The following ANGPT4 variants were observed in gnomAD, a reference collection of about 807,000 sequenced individuals.
ANGPT4 encodes the protein angiopoietin 4, also known as angiopoietin-4.
ANGPT4 carries 50 observed loss-of-function variants against 53.0 expected under a neutral mutation model. That is an observed-to-expected ratio of 0.94 (90% CI 0.75 to 1.20). The LOEUF is 1.20. Among genes scored for constraint, ANGPT4 ranks in the 50% most tolerant of loss-of-function variants. The pLI, the probability that ANGPT4 is intolerant of heterozygous loss-of-function variation, is 0.00. For synonymous variants in ANGPT4, 251 were observed against 259.7 expected (o/e 0.97, Z 0.32); for missense variants, 648 against 637.1 (o/e 1.02, Z -0.18).
chr20:877,062 GC>G (rs1470631382), intron 7 of ANGPT4, among the ~76,000 whole-genome samples: 1 of 152,000 alleles, frequency 6.6e-6, no homozygotes, highest in Non-Finnish European at 1.5e-5. Context: ...CCTCAAAAAA[GC>G]CTTTGCTTTG....
chr20:913,219 C>CA (rs907208508), intron 1 of ANGPT4, among the ~76,000 whole-genome samples: 3 of 151,618 alleles, frequency 2.0e-5, no homozygotes, highest in Non-Finnish European at 4.4e-5. Context: ...GAGAAAAAGC[C>CA]AAAAAAAGGC....
At chr20:892,275 A>G (rs973010737) in intron 1 of ANGPT4, among the ~76,000 whole-genome samples, 1 of 152,162 alleles carries the variant, frequency 6.6e-6, no homozygotes, top group Non-Finnish European at 1.5e-5. Context: ...CGTTAATAAT[A>G]AAATGATGTT....
intron 6 of ANGPT4, 106 bp downstream of exon 6, chr20:879,641 A>AT (rs1175313758): frequency 3.5e-6 from 3 of 854,024 alleles, no homozygotes; most frequent in Admixed American, 2.9e-5. Context: ...AGATGAGTTG[A>AT]TTTTTTCTGG....
intron 1 of ANGPT4, among the ~76,000 whole-genome samples, chr20:896,878 G>T (rs921371441): frequency 6.6e-6 from 1 of 152,180 alleles, no homozygotes; most frequent in Non-Finnish European, 1.5e-5. Flanking sequence ...CTTACTATGT[G>T]TCAGGACTCT....
intron 2 of ANGPT4, among the ~76,000 whole-genome samples, chr20:888,989 C>T (rs1981728100): frequency 6.6e-6 from 1 of 152,230 alleles, no homozygotes; most frequent in African/African-American, 2.4e-5. Flanking sequence ...CTGCCACTCT[C>T]CTCCTGGTCA....
chr20:907,753 T>A (rs1164495942), intron 1 of ANGPT4, among the ~76,000 whole-genome samples: 1 of 152,186 alleles, frequency 6.6e-6, no homozygotes, highest in African/African-American at 2.4e-5. Context: ...AGTGATCATG[T>A]GACAGCGCCC....
At chr20:874,449 G>T in intron 7 of ANGPT4, 35 bp from the exon 8 acceptor site, 1 of 1,611,328 alleles carries the variant, frequency 6.2e-7, no homozygotes, top group South Asian at 1.1e-5. Flanking sequence ...TGGCAGAAGG[G>T]CCCAGAGTCA....
intron 1 of ANGPT4, among the ~76,000 whole-genome samples, chr20:909,623 T>C (rs1982622921): frequency 1.3e-5 from 2 of 152,196 alleles, no homozygotes; most frequent in South Asian, 4.2e-4. Context: ...ATTGCCTCAT[T>C]TAATCTCCTC....
At chr20:885,726 A>G (rs1981594826) in intron 3 of ANGPT4, among the ~76,000 whole-genome samples, 1 of 152,212 alleles carries the variant, frequency 6.6e-6, no homozygotes, top group Admixed American at 6.5e-5. Context: ...CTAGATGCCC[A>G]AAAGCCAGGA....
chr20:903,069 C>A (rs942508769), intron 1 of ANGPT4, among the ~76,000 whole-genome samples: 1 of 152,084 alleles, frequency 6.6e-6, no homozygotes, highest in Admixed American at 6.6e-5. Flanking sequence ...GGGGGCTGGG[C>A]GGGTGAAAGT....
At position 911,980 on chromosome 20, in the gene ANGPT4, A is replaced by G. The variant is rs1432736421; in HGVS notation, c.309+3926T>C. ...GCTGGCTGCTCCCTAAAGGTGAGAA[A>G]GTAGTTCTCACCTGCAGTTTCCAGG... On this transcript the variant is annotated intron_variant, in intron 1 of 8. Transcript: ENST00000381922. This position sits in a 1 kb window ranked among gnomAD's most constrained non-coding sequence, Gnocchi z 4.9. Among the ~76,000 whole-genome samples, 2 of 151,940 alleles carry G rather than the reference A, an allele frequency of 1.3e-5. No homozygotes were observed. Among genetic ancestry groups the G allele is most frequent in the African/African-American group, 4.8e-5 (2 of 41,340 alleles).
chr20:890,727 G>T (rs967244744), intron 1 of ANGPT4, among the ~76,000 whole-genome samples: 1 of 152,148 alleles, frequency 6.6e-6, no homozygotes, highest in South Asian at 2.1e-4. Context: ...CATGACTGCA[G>T]GTTCCTCCGT....
chr20:876,075 G>A (rs1782889241), intron 7 of ANGPT4, among the ~76,000 whole-genome samples: 1 of 151,474 alleles, frequency 6.6e-6, no homozygotes, highest in Non-Finnish European at 1.5e-5. Context: ...AGGTCTGGGA[G>A]GTCAGGGCTG....
At position 915,906 on chromosome 20, in the gene ANGPT4, C is replaced by T. The variant is rs1453399419; in HGVS notation, c.309G>A (p.Lys103=). 6.4e-7 allele frequency: 1 copy of T among 1,562,822 alleles called. No homozygotes were observed. The highest frequency in any genetic ancestry group is 1.8e-5 in the Admixed American group (1 of 56,502). ...ALQNNTQWLK[K]LERAIKTILR... ...CCTGCAAACCTCCCATGCCCCGTAC[C>T]TTCTTCAGCCACTGCGTGTTGTTCT... The change falls in exon 1 of 9, where the codon AAG becomes AAA. Residue 103 remains lysine (K), a splice_region_variant and synonymous_variant. Transcript: ENST00000381922.
At chr20:915,881 C>T (rs1982910969) in intron 1 of ANGPT4, 25 bp downstream of exon 1, 1 of 1,535,480 alleles carries the variant, frequency 6.5e-7, no homozygotes, top group African/African-American at 1.4e-5. Flanking sequence ...CCCTCTGCCC[C>T]CTGCAAACCT....
At chr20:893,219 C>T (rs1310361514) in intron 1 of ANGPT4, among the ~76,000 whole-genome samples, 1 of 152,220 alleles carries the variant, frequency 6.6e-6, no homozygotes, top group Non-Finnish European at 1.5e-5. Flanking sequence ...AGGTCACAAA[C>T]CACAGCCATA....
In ANGPT4 at chr20:896,529, A is replaced by C. The variant is rs147841246; in HGVS notation, c.310-6161T>G. Among the ~76,000 whole-genome samples the C allele has an allele frequency of 1.1e-3, 166 of 152,338 alleles. 1 individual carries two copies. Among genetic ancestry groups the C allele is most frequent in the Non-Finnish European group, 2.0e-3 (135 of 68,034 alleles). ...GGAGCGTGTCTGGTATTTGAGGATC[A>C]AAATGAAGATGGTAACAATGATATG... is the stretch of plus-strand genomic sequence containing the variant. On this transcript the variant is annotated intron_variant, in intron 1 of 8. Coordinates refer to ENST00000381922, the MANE Select transcript of ANGPT4 (RefSeq NM_015985.4).
intron 7 of ANGPT4, 25 bp downstream of exon 7, chr20:878,136 A>G: frequency 2.5e-6 from 4 of 1,572,564 alleles, no homozygotes; most frequent in Non-Finnish European, 3.5e-6. Context: ...CCCAGCCCCC[A>G]CAACGGCCTG....
rs1255138649 is a variant in ANGPT4 at position 872,032 on chromosome 20, G to A, written c.*928C>T. 1 of 152,128 alleles carries A rather than the reference G, an allele frequency of 6.6e-6. No homozygotes were observed. Among genetic ancestry groups the A allele is most frequent in the Non-Finnish European group, 1.5e-5 (1 of 68,030 alleles). The allele number at this position is 152,128 out of a possible 1,614,324, so 9.4% of individuals were successfully genotyped here. ...TCCAAGAGCATCTACAGTCCTGTGAGATGCTCTGGGACAAACCGAGCCCAT... is the reference window on the plus strand; with the variant it reads ...TCCAAGAGCATCTACAGTCCTGTGAAATGCTCTGGGACAAACCGAGCCCAT... On this transcript the variant is annotated 3_prime_UTR_variant, in exon 9 of 9. Transcript: ENST00000381922.
Sources: allele counts gnomAD v4.1 joint callset (sites outside exome capture counted in the v4.1 genomes callset), GRCh38; gene constraint gnomAD v4.1.1; non-coding constraint Gnocchi (gnomAD v3.1); transcripts MANE v1.5; gene names NCBI Gene and HGNC (gene_info 2026-07-23, HGNC 2026-07-21).